Variants in FER observed in about 807,000 individuals in gnomAD.
FER encodes the protein tyrosine-protein kinase Fer.
In FER, 63 loss-of-function variants were observed where a neutral mutation model predicts 111.0. That is an observed-to-expected ratio of 0.57 (90% CI 0.46 to 0.70). FER has a LOEUF of 0.70. FER is among the 30% of genes least tolerant of loss of function. FER has a pLI of 0.00. For synonymous variants in FER, 327 were observed against 313.9 expected (o/e 1.04, Z -0.44); for missense variants, 914 against 954.0 (o/e 0.96, Z 0.55).
chr5:109,064,494 T>C (rs1774842783), intron 16 of FER, among the ~76,000 whole-genome samples: 1 of 152,166 alleles, frequency 6.6e-6, no homozygotes, highest in Non-Finnish European at 1.5e-5. Flanking sequence ...TGTCACCTCT[T>C]TGAGTGGTTT....
chr5:109,147,603 C>G (rs758460044), intron 17 of FER, among the ~76,000 whole-genome samples: 14 of 151,796 alleles, frequency 9.2e-5, no homozygotes, highest in Non-Finnish European at 1.8e-4. Flanking sequence ...CAAATGCTGC[C>G]ATTATAAATC....
At chr5:109,040,683 G>C (rs982152818) in intron 14 of FER, among the ~76,000 whole-genome samples, 4 of 152,134 alleles carry the variant, frequency 2.6e-5, no homozygotes, top group African/African-American at 7.2e-5. Context: ...GAGATGTGGG[G>C]TGATAGTTTC....
intron 3 of FER, among the ~76,000 whole-genome samples, chr5:108,811,373 T>C (rs1226412309): frequency 6.6e-6 from 1 of 152,230 alleles, no homozygotes; most frequent in African/African-American, 2.4e-5. Context: ...CGTTACTGAT[T>C]TTAAATTTAA....
chr5:108,772,655 A>G (rs955789732), intron 2 of FER, among the ~76,000 whole-genome samples: 9 of 152,272 alleles, frequency 5.9e-5, no homozygotes, highest in African/African-American at 1.7e-4. Context: ...AACTTTAAAT[A>G]TACATGACAT....
At chr5:109,091,134 G>C (rs1349881816) in intron 16 of FER, among the ~76,000 whole-genome samples, 2 of 152,242 alleles carry the variant, frequency 1.3e-5, no homozygotes, top group African/African-American at 2.4e-5. Flanking sequence ...AAGGAAGACA[G>C]AGGCTATTCA....
intron 16 of FER, chr5:109,051,526 T>G: frequency 6.3e-7 from 1 of 1,597,516 alleles, no homozygotes; most frequent in East Asian, 2.2e-5. Context: ...TGCACTGTAA[T>G]TAGCCCAGTT....
At chr5:108,902,321 T>C (rs1252997859) in intron 10 of FER, among the ~76,000 whole-genome samples, 1 of 152,228 alleles carries the variant, frequency 6.6e-6, no homozygotes. Flanking sequence ...TTTATTTTGC[T>C]AGGCTGGCAG....
intron 13 of FER, among the ~76,000 whole-genome samples, chr5:109,035,399 A>G (rs966820898): frequency 6.6e-6 from 1 of 152,192 alleles, no homozygotes; most frequent in African/African-American, 2.4e-5. Flanking sequence ...GTATCTATGT[A>G]TGTAAAGTTT....
At chr5:108,812,193 A>G (rs75196817) in intron 3 of FER, among the ~76,000 whole-genome samples, 34,786 of 152,084 alleles carry the variant, frequency 0.23, 4,169 homozygotes, top group African/African-American at 0.28. Context: ...CTTATATTTC[A>G]ATTCCCTATT....
rs535703559 is a variant in FER at position 108,993,444 on chromosome 5, C to G, written c.1656+34097C>G. ...ATCGCAGGCACTCGCCAGGCTGAGG[C>G]AGGAGAATCAGGCAGGGAGGATGCA... On this transcript the variant is annotated intron_variant, in intron 13 of 19. Transcript: ENST00000281092. Among the ~76,000 whole-genome samples, 268 of 152,154 alleles carry G rather than the reference C, an allele frequency of 1.8e-3. 1 individual carries two copies. Among genetic ancestry groups the G allele is most frequent in the African/African-American group, 5.6e-3 (232 of 41,478 alleles).
chr5:109,037,320 G>A lies in FER; in HGVS notation c.1657-102G>A, dbSNP rs1455879195. 5 of 880,544 alleles carry A rather than the reference G, an allele frequency of 5.7e-6. No homozygotes were observed. The East Asian group carries it at 1.2e-4, about 22-fold the overall frequency. The allele number at this position is 880,544 out of a possible 1,614,324, so 54.5% of individuals were successfully genotyped here. On this transcript the variant is annotated intron_variant, in intron 13 of 19. Transcript: ENST00000281092. ...CAGTGTGCTGTTGATTGAATGGTCT[G>A]AATGAAATATCCCTTTAGGTCGACT... is the stretch of plus-strand genomic sequence containing the variant.
chr5:109,067,267 TTGCTGC>T (rs141689251), intron 16 of FER, among the ~76,000 whole-genome samples: 44 of 150,546 alleles, frequency 2.9e-4, no homozygotes, highest in South Asian at 2.1e-4. Context: ...GTTGTTGCTG[TTGCTGC>T]TGCTGCTGCT....
At chr5:108,844,510 A>G (rs979885075) in intron 5 of FER, among the ~76,000 whole-genome samples, 1 of 152,206 alleles carries the variant, frequency 6.6e-6, no homozygotes, top group Non-Finnish European at 1.5e-5. Context: ...CATACAACAG[A>G]CAGCACCTAT....
At chr5:109,045,909 T>A (rs1033928413) in intron 15 of FER, among the ~76,000 whole-genome samples, 6 of 152,228 alleles carry the variant, frequency 3.9e-5, no homozygotes, top group Non-Finnish European at 5.9e-5. Flanking sequence ...GTCAGCCCTA[T>A]TTGTTCTAAC....
intron 3 of FER, among the ~76,000 whole-genome samples, chr5:108,810,330 C>G (rs1169144054): frequency 6.6e-6 from 1 of 152,180 alleles, no homozygotes; most frequent in Non-Finnish European, 1.5e-5. Context: ...GAGAGAAGCT[C>G]TCTGTTGCCT....
At chr5:109,131,379 G>C (rs1752341857) in intron 17 of FER, among the ~76,000 whole-genome samples, 1 of 152,030 alleles carries the variant, frequency 6.6e-6, no homozygotes, top group Non-Finnish European at 1.5e-5. Context: ...GTTCTTCCCT[G>C]TCAATCTTAA....
At position 109,037,434 on chromosome 5, in the gene FER, A is replaced by T; in HGVS notation, c.1669A>T (p.Ile557Phe). 6.2e-7 allele frequency: 1 copy of T among 1,611,808 alleles called. No homozygotes were observed. The highest frequency in any genetic ancestry group is 1.3e-5 in the African/African-American group (1 of 74,950). The change falls in exon 14 of 20, where the codon ATT (isoleucine) becomes TTT (phenylalanine). Residue 557 changes from isoleucine (I) to phenylalanine (F), a missense_variant. Physicochemically the swap from Ile to Phe is conservative, Grantham distance 21 (BLOSUM62 0). Coordinates refer to ENST00000281092, the MANE Select transcript of FER (RefSeq NM_005246.4). ...LNPIPKDKKW[I>F]LSHEDVILGE... ...TTCTTTGCTGTAGGACAAGAAATGG[A>T]TTCTCAGTCATGAAGATGTCATATT...
At chr5:108,938,859 G>A (rs988748804) in intron 10 of FER, among the ~76,000 whole-genome samples, 1 of 151,886 alleles carries the variant, frequency 6.6e-6, no homozygotes, top group Admixed American at 6.6e-5. Flanking sequence ...GATGTAGAGT[G>A]GACAAAAATG....
chr5:108,752,613 A>G (rs1336001333), intron 1 of FER, among the ~76,000 whole-genome samples: 23 of 152,092 alleles, frequency 1.5e-4, no homozygotes, highest in Admixed American at 6.5e-5. Context: ...TTAGTTTACC[A>G]TATAAAACTG....
Sources: allele counts gnomAD v4.1 joint callset (sites outside exome capture counted in the v4.1 genomes callset), GRCh38; gene constraint gnomAD v4.1.1; transcripts MANE v1.5; gene names NCBI Gene and HGNC (gene_info 2026-07-23, HGNC 2026-07-21).